RASGRP3: variants seen among roughly 807,000 people sequenced by gnomAD.
RASGRP3 encodes the protein RAS guanyl releasing protein 3.
In RASGRP3, 54 loss-of-function variants were observed where a neutral mutation model predicts 82.7. The observed-to-expected ratio is 0.65, with a 90% confidence interval of 0.52 to 0.82. The LOEUF (loss-of-function observed/expected upper bound fraction) is 0.82. Among genes scored for constraint, RASGRP3 ranks in the 40% least tolerant of loss-of-function variants. The probability of loss-of-function intolerance (pLI) is 0.00; values close to 1 mark genes in which losing one functional copy is unlikely to be tolerated. For missense variants in RASGRP3, 861 were observed against 828.9 expected (o/e 1.04, Z -0.48); for synonymous variants, 309 against 300.5 (o/e 1.03, Z -0.29).
intron 1 of RASGRP3, among the ~76,000 whole-genome samples, chr2:33,505,494 G>T (rs1026106069): frequency 1.7e-4 from 26 of 151,990 alleles, no homozygotes; most frequent in Non-Finnish European, 3.4e-4. Flanking sequence ...TAGAGACGGG[G>T]TTTCTCCATG....
At chr2:33,455,008 G>A (rs917656814) in intron 2 of RASGRP3, among the ~76,000 whole-genome samples, 4 of 152,144 alleles carry the variant, frequency 2.6e-5, no homozygotes, top group African/African-American at 9.7e-5. Flanking sequence ...TGCTCATCTG[G>A]GCCAAGGTAG....
chr2:33,496,793 G>A (rs2150970157), intron 1 of RASGRP3, among the ~76,000 whole-genome samples: 1 of 152,322 alleles, frequency 6.6e-6, no homozygotes, highest in Middle Eastern at 3.4e-3. Context: ...GGAGGCAGAG[G>A]TTGCAGTGAG....
intron 4 of RASGRP3, 102 bp downstream of exon 4, chr2:33,516,746 C>G (rs1671506198): frequency 1.3e-6 from 1 of 776,782 alleles, no homozygotes; most frequent in East Asian, 2.7e-5. Context: ...AATAAATAGT[C>G]TTTGGTTATC....
At chr2:33,553,282 C>A (rs1164743598) in intron 14 of RASGRP3, among the ~76,000 whole-genome samples, 1 of 152,138 alleles carries the variant, frequency 6.6e-6, no homozygotes, top group Non-Finnish European at 1.5e-5. Context: ...AGCTATGAGA[C>A]CTTGCCAAGG....
intron 1 of RASGRP3, among the ~76,000 whole-genome samples, chr2:33,483,581 C>T (rs997396702): frequency 4.8e-5 from 7 of 144,578 alleles, no homozygotes; most frequent in South Asian, 2.2e-4. Context: ...CTCCATCTCC[C>T]GGGTTCAAGT....
rs553731438 is a variant in RASGRP3 at position 33,548,463 on chromosome 2, C to A, written c.1395-1141C>A. On this transcript the variant is annotated intron_variant, in intron 13 of 17. Coordinates refer to ENST00000403687, the MANE Select transcript of RASGRP3 (RefSeq NM_001139488.2). ...ATTTTTCAGGTAGGAAAGTCCTGAGCGTATTTGTGAACGGAGGAAGAAACA... is the reference window on the plus strand; with the variant it reads ...ATTTTTCAGGTAGGAAAGTCCTGAGAGTATTTGTGAACGGAGGAAGAAACA... Among the ~76,000 whole-genome samples the A allele has an allele frequency of 4.0e-5, 6 of 150,856 alleles. No homozygotes were observed. In the South Asian group the frequency reaches 1.1e-3, roughly 27 times the overall value.
intron 15 of RASGRP3, among the ~76,000 whole-genome samples, chr2:33,557,171 T>C (rs182402013): frequency 4.9e-4 from 75 of 152,264 alleles, no homozygotes; most frequent in Non-Finnish European, 2.9e-5. Flanking sequence ...ACCCTCATCA[T>C]AGGAAATAAT....
chr2:33,528,357 G>T (rs1285916498), intron 10 of RASGRP3, among the ~76,000 whole-genome samples: 1 of 152,170 alleles, frequency 6.6e-6, no homozygotes, highest in East Asian at 1.9e-4. Flanking sequence ...TGGCACACAT[G>T]TTTAGCTGGT....
intron 2 of RASGRP3, among the ~76,000 whole-genome samples, chr2:33,468,198 C>A (rs1666837834): frequency 6.6e-6 from 1 of 151,866 alleles, no homozygotes; most frequent in African/African-American, 2.4e-5. Context: ...TAGATAAATG[C>A]TGATGAGCAT....
intron 1 of RASGRP3, among the ~76,000 whole-genome samples, chr2:33,439,847 G>T (rs943628170): frequency 6.6e-6 from 1 of 152,156 alleles, no homozygotes; most frequent in South Asian, 2.1e-4. Context: ...TTCTGAAAAG[G>T]GAAATGGCGT....
At chr2:33,547,688 GTCTCGA>G (rs1386865259) in intron 13 of RASGRP3, among the ~76,000 whole-genome samples, 3 of 152,154 alleles carry the variant, frequency 2.0e-5, no homozygotes, top group African/African-American at 7.2e-5. Flanking sequence ...GTAAGCTGGA[GTCTCGA>G]TCTTGTGAGC....
At chr2:33,451,333 T>C (rs72802088) in intron 2 of RASGRP3, among the ~76,000 whole-genome samples, 20,758 of 152,220 alleles carry the variant, frequency 0.14, 1,643 homozygotes, top group Admixed American at 0.21. Context: ...TAATACATAG[T>C]TTTCAAATAT....
chr2:33,563,954 T>C lies in RASGRP3; in HGVS notation c.*1217T>C, dbSNP rs1248837899. The C allele has an allele frequency of 6.6e-6, 1 of 152,182 alleles. No homozygotes were observed. Among genetic ancestry groups the C allele is most frequent in the African/African-American group, 2.4e-5 (1 of 41,466 alleles). 9.4% of individuals were successfully genotyped at this position (152,182 alleles called of 1,614,324 possible). On this transcript the variant is annotated 3_prime_UTR_variant, in exon 18 of 18. Coordinates refer to ENST00000403687, the MANE Select transcript of RASGRP3 (RefSeq NM_001139488.2). ...ATAGAGCTGGGACTGAGCCTGTGAA[T>C]GACAGGAATGATCTATTACCAGGTG...
intron 1 of RASGRP3, among the ~76,000 whole-genome samples, chr2:33,494,487 G>A (rs1669138638): frequency 1.3e-5 from 2 of 152,170 alleles, no homozygotes; most frequent in African/African-American, 4.8e-5. Flanking sequence ...TTATCCCAAA[G>A]GGTCTACCGT....
chr2:33,515,356 T>A (rs1671352971), intron 3 of RASGRP3, 150 bp downstream of exon 3: 1 of 704,040 alleles, frequency 1.4e-6, no homozygotes, highest in Admixed American at 2.5e-5. Flanking sequence ...TCTCTCCAGT[T>A]TCACTGCCCT....
chr2:33,490,976 GAGTT>G (rs1016950363), intron 1 of RASGRP3, among the ~76,000 whole-genome samples: 2 of 152,220 alleles, frequency 1.3e-5, no homozygotes, highest in Non-Finnish European at 2.9e-5. Context: ...GACAAGGTAA[GAGTT>G]AGCTGCTTTT....
At chr2:33,467,982 T>C (rs910036193) in intron 2 of RASGRP3, among the ~76,000 whole-genome samples, 2 of 12,604 alleles carry the variant, frequency 1.6e-4, no homozygotes, top group Admixed American at 1.1e-3. Flanking sequence ...GTGAGGCTTT[T>C]TCTTTCTTTC....
At chr2:33,526,159 A>G (rs1049314763) in intron 9 of RASGRP3, among the ~76,000 whole-genome samples, 13 of 152,222 alleles carry the variant, frequency 8.5e-5, no homozygotes, top group African/African-American at 2.9e-4. Context: ...CAATGTACTG[A>G]TTGGCTTAAC....
At chr2:33,537,172 T>C (rs1673697543) in intron 11 of RASGRP3, among the ~76,000 whole-genome samples, 1 of 150,642 alleles carries the variant, frequency 6.6e-6, no homozygotes, top group South Asian at 2.1e-4. Flanking sequence ...AGGGTTCTCT[T>C]AGAGGGACAG....
Sources: gnomAD v4.1 joint callset for allele counts (sites outside exome capture counted in the v4.1 genomes callset) on GRCh38, gnomAD v4.1.1 for gene constraint, MANE v1.5 for transcripts, NCBI Gene and HGNC (gene_info 2026-07-23, HGNC 2026-07-21) for gene names.